CSMD1: variants seen among roughly 807,000 people sequenced by gnomAD.
CSMD1 encodes CUB and Sushi multiple domains 1.
In CSMD1, 213 loss-of-function variants were observed where a neutral mutation model predicts 417.5. That is an observed-to-expected ratio of 0.51 (90% CI 0.46 to 0.57). The LOEUF is 0.57. Among genes scored for constraint, CSMD1 ranks in the 20% least tolerant of loss-of-function variants. The probability of loss-of-function intolerance (pLI) is 0.00; values close to 1 mark genes in which losing one functional copy is unlikely to be tolerated. For synonymous variants in CSMD1, 2,862 were observed against 1,736.8 expected (o/e 1.65, Z -16.11); for missense variants, 6,923 against 4,529.7 (o/e 1.53, Z -15.17).
intron 4 of CSMD1, among the ~76,000 whole-genome samples, chr8:4,018,543 G>A (rs759200844): frequency 1.3e-5 from 2 of 152,180 alleles, no homozygotes; most frequent in Admixed American, 1.3e-4. Context: ...GGACCAGCCA[G>A]TTACCTGCTT....
intron 4 of CSMD1, among the ~76,000 whole-genome samples, chr8:4,030,801 C>T (rs1036277628): frequency 2.0e-5 from 3 of 152,140 alleles, no homozygotes; most frequent in African/African-American, 4.8e-5. Flanking sequence ...CCTTATAAAA[C>T]TGAAAGCTTT....
intron 6 of CSMD1, among the ~76,000 whole-genome samples, chr8:3,711,556 C>G (rs895665067): frequency 2.0e-5 from 3 of 152,172 alleles, no homozygotes; most frequent in Non-Finnish European, 4.4e-5. Flanking sequence ...CGTCTTCCTC[C>G]TCTTCTCTTC....
intron 3 of CSMD1, among the ~76,000 whole-genome samples, chr8:4,173,994 G>A (rs182397591): frequency 1.3e-5 from 2 of 152,160 alleles, no homozygotes; most frequent in African/African-American, 4.8e-5. Flanking sequence ...AAGGATATGT[G>A]ACCATGCCTG....
chr8:3,786,370 G>A (rs745392464), intron 5 of CSMD1, among the ~76,000 whole-genome samples: 20 of 152,072 alleles, frequency 1.3e-4, no homozygotes, highest in Non-Finnish European at 2.8e-4. Flanking sequence ...ACCTCATTTA[G>A]GGAGATACTA....
intron 3 of CSMD1, among the ~76,000 whole-genome samples, chr8:4,412,474 C>G (rs778979940): frequency 7.2e-5 from 11 of 152,300 alleles, no homozygotes; most frequent in Admixed American, 3.9e-4. Flanking sequence ...GATGCCAGTA[C>G]CACGGTTCCT....
chr8:3,951,281 G>C (rs561054951), intron 5 of CSMD1, among the ~76,000 whole-genome samples: 1 of 152,158 alleles, frequency 6.6e-6, no homozygotes, highest in African/African-American at 2.4e-5. Context: ...CCTCAGCCCT[G>C]GCCCACCTTT....
intron 2 of CSMD1, among the ~76,000 whole-genome samples, chr8:4,422,330 C>T (rs1025388037): frequency 6.6e-6 from 1 of 152,010 alleles, no homozygotes; most frequent in Admixed American, 6.6e-5. Context: ...GAATTATGCT[C>T]CTCCCACCAA....
chr8:4,156,650 T>A (rs1796850873), intron 3 of CSMD1, among the ~76,000 whole-genome samples: 1 of 152,124 alleles, frequency 6.6e-6, no homozygotes, highest in African/African-American at 2.4e-5. Flanking sequence ...TGATACCAGG[T>A]ACCCATCTGC....
intron 1 of CSMD1, among the ~76,000 whole-genome samples, chr8:4,934,100 C>T (rs886149832): frequency 1.3e-5 from 2 of 152,064 alleles, no homozygotes; most frequent in Non-Finnish European, 2.9e-5. Flanking sequence ...AGGCGGCAGC[C>T]GTGAGCACCA....
At chr8:4,112,505 CA>C (rs1469263957) in intron 3 of CSMD1, among the ~76,000 whole-genome samples, 1 of 152,162 alleles carries the variant, frequency 6.6e-6, no homozygotes, top group African/African-American at 2.4e-5. Context: ...ATCCTGAATA[CA>C]GGAAGTTTGG....
intron 5 of CSMD1, among the ~76,000 whole-genome samples, chr8:3,967,280 T>C (rs1166191960): frequency 3.9e-5 from 6 of 152,176 alleles, no homozygotes; most frequent in Admixed American, 1.3e-4. Context: ...CTCTATACTG[T>C]TCTTGTTCCC....
chr8:4,676,197 G>C (rs572921738), intron 1 of CSMD1, among the ~76,000 whole-genome samples: 1 of 152,254 alleles, frequency 6.6e-6, no homozygotes, highest in East Asian at 1.9e-4. Flanking sequence ...CCTAGGCATT[G>C]AATAGTTTTG....
chr8:2,973,178 G>A lies in CSMD1; in HGVS notation c.8862C>T (p.Gly2954=). 9 of 1,613,784 alleles carry A rather than the reference G, an allele frequency of 5.6e-6. No homozygotes were observed. The highest frequency in any genetic ancestry group is 7.6e-6 in the Non-Finnish European group (9 of 1,179,762). The change falls in exon 57 of 70, where the codon GGC becomes GGT. Residue 2954 remains glycine (G), a synonymous_variant. Coordinates refer to ENST00000635120, the MANE Select transcript of CSMD1 (RefSeq NM_033225.6). ...FSCEMGHQLR[G]SPERTCLLNG... ...TGAGCAAACACGTGCGTTCAGGGGAGCCCCTCAGCTGGTGCCCCATTTCAC... is the reference window on the plus strand; with the variant it reads ...TGAGCAAACACGTGCGTTCAGGGGAACCCCTCAGCTGGTGCCCCATTTCAC...
chr8:3,924,887 G>C (rs371277055), intron 5 of CSMD1, among the ~76,000 whole-genome samples: 1 of 152,076 alleles, frequency 6.6e-6, no homozygotes, highest in Non-Finnish European at 1.5e-5. Context: ...TGGTACTGGT[G>C]CTTTGTTTTG....
At chr8:4,189,284 T>C (rs1700093) in intron 3 of CSMD1, among the ~76,000 whole-genome samples, 17,833 of 152,178 alleles carry the variant, frequency 0.12, 1,340 homozygotes, top group East Asian at 0.24. Context: ...CCTATCTCTT[T>C]ACTCAAGAAA....
intron 2 of CSMD1, among the ~76,000 whole-genome samples, chr8:4,590,678 T>C (rs1019219374): frequency 6.6e-5 from 10 of 152,186 alleles, no homozygotes; most frequent in Non-Finnish European, 1.5e-4. Flanking sequence ...CACGATGAAA[T>C]CTTAAGAAAA....
rs547254566 is a variant in CSMD1, at chr8:3,677,573, C to G, written c.1009+30841G>C. 1.2e-4 allele frequency among the ~76,000 whole-genome samples: 18 copies of G among 152,214 alleles called. No homozygotes were observed. In the East Asian group the frequency reaches 2.9e-3, roughly 25 times the overall value. On this transcript the variant is annotated intron_variant, in intron 7 of 69. Transcript: ENST00000635120. ...GGCACCCAGAAGGGTTTGGAGATGT[C>G]TTAGATTCACGAAAGCCTAAGATTG...
chr8:4,786,016 G>A (rs557460796), intron 1 of CSMD1, among the ~76,000 whole-genome samples: 4 of 152,238 alleles, frequency 2.6e-5, no homozygotes, highest in African/African-American at 4.8e-5. Flanking sequence ...AGCAGTGGCT[G>A]GAGCTTCCTA....
intron 1 of CSMD1, among the ~76,000 whole-genome samples, chr8:4,785,035 G>A (rs1050027609): frequency 4.6e-5 from 7 of 152,222 alleles, no homozygotes; most frequent in Admixed American, 3.3e-4. Context: ...TCTGGGCACT[G>A]AATTATTAGA....
Sources: gnomAD v4.1 joint callset for allele counts (sites outside exome capture counted in the v4.1 genomes callset) on GRCh38, gnomAD v4.1.1 for gene constraint, MANE v1.5 for transcripts, NCBI Gene and HGNC (gene_info 2026-07-23, HGNC 2026-07-21) for gene names.